The following NAV3 variants were observed in gnomAD, a reference collection of about 807,000 sequenced individuals.
NAV3 encodes neuron navigator 3.
NAV3 carries 87 observed loss-of-function variants against 244.7 expected under a neutral mutation model. The ratio of observed to expected loss-of-function variants is 0.36; its 90% confidence interval spans 0.30 to 0.42. NAV3 has a LOEUF of 0.42. NAV3 is among the 20% of genes least tolerant of loss of function. NAV3 has a pLI of 1.00. For missense variants in NAV3, 2,663 were observed against 2,893.3 expected, an observed-to-expected ratio of 0.92 and a Z score of 1.83; for synonymous variants, 1,126 against 1,042.2, an observed-to-expected ratio of 1.08 and a Z score of -1.55.
chr12:78,021,645 T>A, intron 8 of NAV3, 102 bp from the exon 9 acceptor site: 1 of 756,132 alleles, frequency 1.3e-6, no homozygotes, highest in Non-Finnish European at 2.2e-6. Flanking sequence ...ATACTTACCT[T>A]GATGGAAAAT....
chr12:77,660,743 G>C (rs1205086097), intron 2 of NAV3, among the ~76,000 whole-genome samples: 1 of 152,052 alleles, frequency 6.6e-6, no homozygotes, highest in Admixed American at 6.6e-5. Context: ...CTCTGTGCCT[G>C]TTTGAGAGTC....
At chr12:77,686,218 G>GA (rs1361884161) in intron 2 of NAV3, among the ~76,000 whole-genome samples, 1 of 151,990 alleles carries the variant, frequency 6.6e-6, no homozygotes, top group Non-Finnish European at 1.5e-5. Flanking sequence ...TCAGCCTCTT[G>GA]AGTAGCTGGG....
intron 2 of NAV3, among the ~76,000 whole-genome samples, chr12:77,720,710 A>G (rs1335538793): frequency 1.3e-5 from 2 of 152,172 alleles, no homozygotes; most frequent in African/African-American, 2.4e-5. Flanking sequence ...CCAGTAAGCA[A>G]CTATGGCCAG....
At chr12:78,004,040 C>T (rs903093858) in intron 7 of NAV3, among the ~76,000 whole-genome samples, 1 of 152,110 alleles carries the variant, frequency 6.6e-6, no homozygotes, top group Admixed American at 6.5e-5. Flanking sequence ...ATGCAGTAAA[C>T]ATGTGGAAAG....
In NAV3 at chr12:78,179,519, C is replaced by T. The variant is rs371059877; in HGVS notation, c.5364-10C>T. The stretch of plus-strand genomic sequence containing the variant: ...CCCAGGCCACTGATTCTGTTTGTTT[C>T]CTTCTTCAGGATCTGTGAATGCACA... On this transcript the variant is annotated splice_polypyrimidine_tract_variant and intron_variant, in intron 28 of 39. Transcript: ENST00000397909. The T allele has an allele frequency of 3.7e-6, 6 of 1,612,896 alleles. No individual in the cohort carries two copies. The highest frequency in any genetic ancestry group is 5.1e-6 in the Non-Finnish European group (6 of 1,179,314).
Position 77,927,948 on chromosome 12 carries a change from C to T in NAV3, c.244-12371C>T, listed in dbSNP as rs376039402. Among the ~76,000 whole-genome samples the T allele has an allele frequency of 2.2e-4, 34 of 152,062 alleles. No homozygotes were observed. The South Asian group carries it at 6.6e-3, about 30-fold the overall frequency. On this transcript the variant is annotated intron_variant, in intron 1 of 39. Coordinates refer to ENST00000397909, the MANE Select transcript of NAV3 (RefSeq NM_001024383.2). ...AGAGAAGGAAAATGCTGGAAGTGCA[C>T]GGTGACTCATACCTGTAATCCCAGC...
intron 2 of NAV3, among the ~76,000 whole-genome samples, chr12:77,606,803 G>A (rs1870689845): frequency 6.6e-6 from 1 of 152,044 alleles, no homozygotes; most frequent in African/African-American, 2.4e-5. Context: ...GAGCAAAATG[G>A]CTGTAATCCG....
intron 2 of NAV3, among the ~76,000 whole-genome samples, chr12:77,704,119 G>T (rs1289907443): frequency 6.6e-6 from 1 of 152,132 alleles, no homozygotes; most frequent in Non-Finnish European, 1.5e-5. Flanking sequence ...AGGCTGAGGA[G>T]CCTAAGGCCT....
At chr12:77,645,443 G>C (rs1872569525) in intron 2 of NAV3, among the ~76,000 whole-genome samples, 1 of 147,370 alleles carries the variant, frequency 6.8e-6, no homozygotes, top group Non-Finnish European at 1.5e-5. Context: ...ATCTCTAAGG[G>C]ACTGAAAAAG....
intron 12 of NAV3, among the ~76,000 whole-genome samples, chr12:78,100,605 A>G (rs1954490188): frequency 6.6e-6 from 1 of 152,030 alleles, no homozygotes; most frequent in African/African-American, 2.4e-5. Flanking sequence ...TAGCACTAAA[A>G]TGTTTTTAAA....
At chr12:78,120,600 G>T (rs1440756540) in intron 15 of NAV3, among the ~76,000 whole-genome samples, 1 of 152,160 alleles carries the variant, frequency 6.6e-6, no homozygotes, top group Non-Finnish European at 1.5e-5. Flanking sequence ...TCATGACTTG[G>T]TTTCTGTTCC....
chr12:78,086,200 A>G (rs967641598), intron 12 of NAV3, among the ~76,000 whole-genome samples: 1 of 152,126 alleles, frequency 6.6e-6, no homozygotes, highest in Non-Finnish European at 1.5e-5. Flanking sequence ...ATTAATTGGT[A>G]TAAGTAGTAT....
At chr12:77,947,410 A>ATTTTTT (rs59956222) in intron 3 of NAV3, 1 of 143,528 alleles carries the variant, frequency 7.0e-6, no homozygotes, top group African/African-American at 2.5e-5. Context: ...CTTTTAAAGG[A>ATTTTTT]TTTTTTTTTT....
In NAV3 at chr12:77,762,810, T is replaced by A. The variant is rs975773490; in HGVS notation, c.73-177509T>A. Among the ~76,000 whole-genome samples, 7 of 152,248 alleles carry A rather than the reference T, an allele frequency of 4.6e-5. No homozygotes were observed. The South Asian group carries it at 1.0e-3, about 23-fold the overall frequency. On this transcript the variant is annotated intron_variant, in intron 2 of 8. Coordinates refer to the NAV3 transcript ENST00000550042. ...TTCCATTGTGAGAAAAAGGTAGTAATGTTGTTACTACTCTAGACAATACTA... is the reference window on the plus strand; with the variant it reads ...TTCCATTGTGAGAAAAAGGTAGTAAAGTTGTTACTACTCTAGACAATACTA...
chr12:77,831,438 C>T lies in NAV3; in HGVS notation c.-24C>T. The T allele has an allele frequency of 6.4e-7, 1 of 1,562,772 alleles. No individual in the cohort carries two copies. The highest frequency in any genetic ancestry group is 8.6e-7 in the Non-Finnish European group (1 of 1,158,012). ...AGGTTAGAAGCATTTTCTTTGGCAGCAAGAAGATAATTTTATAGAAGCCAT... is the reference window on the plus strand; with the variant it reads ...AGGTTAGAAGCATTTTCTTTGGCAGTAAGAAGATAATTTTATAGAAGCCAT... On this transcript the variant is annotated 5_prime_UTR_variant, in exon 1 of 40. Coordinates refer to ENST00000397909, the MANE Select transcript of NAV3 (RefSeq NM_001024383.2).
At chr12:77,914,205 C>T (rs1311007365) in intron 1 of NAV3, among the ~76,000 whole-genome samples, 1 of 152,104 alleles carries the variant, frequency 6.6e-6, no homozygotes, top group Non-Finnish European at 1.5e-5. Context: ...CTCACAATCT[C>T]TTTTGCAGAC....
intron 34 of NAV3, among the ~76,000 whole-genome samples, chr12:78,192,495 T>G (rs1290616112): frequency 2.6e-5 from 4 of 151,782 alleles, no homozygotes; most frequent in Non-Finnish European, 4.4e-5. Context: ...AACCTCTGCC[T>G]CCTGGGTTCA....
intron 1 of NAV3, among the ~76,000 whole-genome samples, chr12:77,931,999 T>C (rs1888854847): frequency 6.6e-6 from 1 of 152,084 alleles, no homozygotes; most frequent in African/African-American, 2.4e-5. Flanking sequence ...GCCAGCTCAT[T>C]GATTCACTGG....
intron 2 of NAV3, among the ~76,000 whole-genome samples, chr12:77,670,566 G>A (rs1238705649): frequency 4.6e-5 from 7 of 152,024 alleles, no homozygotes; most frequent in Admixed American, 3.9e-4. Flanking sequence ...AAATCTAACA[G>A]CATATCAAAA....
Sources: allele counts gnomAD v4.1 joint callset (sites outside exome capture counted in the v4.1 genomes callset), GRCh38; gene constraint gnomAD v4.1.1; transcripts MANE v1.5; gene names NCBI Gene and HGNC (gene_info 2026-07-23, HGNC 2026-07-21).